The following SYNE2 variants were observed in gnomAD, a reference collection of about 807,000 sequenced individuals.
The protein encoded by SYNE2 is spectrin repeat containing nuclear envelope protein 2, also known as nesprin-2.
In SYNE2, 431 loss-of-function variants were observed where a neutral mutation model predicts 856.3. The observed-to-expected ratio is 0.50, with a 90% CI of 0.47 to 0.55. The LOEUF (loss-of-function observed/expected upper bound fraction) is 0.55. SYNE2 is among the 20% of genes least tolerant of loss of function. The pLI, the probability that SYNE2 is intolerant of heterozygous loss-of-function variation, is 0.00. For synonymous variants in SYNE2, 2,923 were observed against 2,872.3 expected (o/e 1.02, Z -0.56); for missense variants, 8,129 against 8,023.2 (o/e 1.01, Z -0.50).
rs752017196 is a variant in SYNE2 at position 64,188,865 on chromosome 14, A to G, written c.17871+157A>G. 5.0e-6 allele frequency: 4 copies of G among 793,246 alleles called. No homozygotes were observed. In the Admixed American group the frequency reaches 6.0e-5, roughly 12 times the overall value. 49.1% of individuals were successfully genotyped at this position (793,246 alleles called of 1,614,324 possible). On this transcript the variant is annotated intron_variant, in intron 98 of 115. Coordinates refer to ENST00000555002, the MANE Select transcript of SYNE2 (RefSeq NM_182914.3). ...CTATTTTCGATCCTTTTGAGAGAAC[A>G]GTTGGAAGAGAGGAGGTTCCAGAGA...
chr14:63,778,475 A>G (rs1887189139), intron 1 of SYNE2, among the ~76,000 whole-genome samples: 2 of 152,226 alleles, frequency 1.3e-5, no homozygotes, highest in Admixed American at 6.5e-5. Context: ...TACACCATCA[A>G]TATATACAAC....
At chr14:63,989,477 A>G (rs1313576125) in intron 19 of SYNE2, among the ~76,000 whole-genome samples, 1 of 152,002 alleles carries the variant, frequency 6.6e-6, no homozygotes, top group Non-Finnish European at 1.5e-5. Context: ...AGCTGGGACT[A>G]TAGGCGCCCG....
At position 63,995,087 on chromosome 14, in the gene SYNE2, T is replaced by C. The variant is rs1295153318; in HGVS notation, c.2825T>C (p.Ile942Thr). Reference sequence around the variant, plus strand: ...TCTTTATATGTTCAACAACTAAAAATAGATATTGAAAAAGGAAAGCTTAGT... The same window carrying C: ...TCTTTATATGTTCAACAACTAAAAACAGATATTGAAAAAGGAAAGCTTAGT... ...ELSLYVQQLK[I>T]DIEKGKLSDN... is the part of the protein sequence containing the mutation. The change falls in exon 23 of 116, where the codon ATA becomes ACA. Residue 942 changes from isoleucine (I) to threonine (T), a missense_variant. Coordinates refer to ENST00000555002, the MANE Select transcript of SYNE2 (RefSeq NM_182914.3). 6.3e-7 allele frequency: 1 copy of C among 1,575,376 alleles called. No homozygotes were observed. The highest frequency in any genetic ancestry group is 1.4e-5 in the African/African-American group (1 of 73,460).
intron 111 of SYNE2, 124 bp downstream of exon 111, chr14:64,220,761 A>G (rs2098690639): frequency 8.7e-7 from 1 of 1,155,994 alleles, no homozygotes; most frequent in Non-Finnish European, 1.2e-6. Flanking sequence ...GTCAGGAAAC[A>G]TGTGCTTTAC....
At chr14:63,842,623 G>A (rs539725549) in intron 1 of SYNE2, among the ~76,000 whole-genome samples, 5 of 151,384 alleles carry the variant, frequency 3.3e-5, no homozygotes, top group East Asian at 1.9e-4. Context: ...CACACCCAGC[G>A]AATTTTTGTA....
At position 64,070,939 on chromosome 14, in the gene SYNE2, G is replaced by A. The variant is rs1255964; in HGVS notation, c.10697+29G>A. On this transcript the variant is annotated intron_variant, in intron 52 of 115. Transcript: ENST00000555002. The stretch of plus-strand genomic sequence containing the variant: ...AGATTTATGAAAAACTATTAAGGAC[G>A]TGTGCTTGACAATTATGGCTCAAAA... 1,497,654 of 1,612,886 alleles carry A rather than the reference G, an allele frequency of 0.93. 696,441 individuals carry two copies. Among genetic ancestry groups the A allele is most frequent in the Non-Finnish European group, 0.94 (1,112,565 of 1,179,116 alleles).
chr14:64,130,817 G>A (rs1013944915), intron 76 of SYNE2, among the ~76,000 whole-genome samples: 1 of 151,544 alleles, frequency 6.6e-6, no homozygotes, highest in Non-Finnish European at 1.5e-5. Context: ...CTCAGGAGGC[G>A]GAGGTTGCAG....
At chr14:63,936,450 A>G (rs908543342) in intron 2 of SYNE2, among the ~76,000 whole-genome samples, 6 of 152,194 alleles carry the variant, frequency 3.9e-5, no homozygotes, top group Admixed American at 3.3e-4. Context: ...CAGTCAGGGT[A>G]GACCTCTTAG....
intron 74 of SYNE2, among the ~76,000 whole-genome samples, chr14:64,129,307 CTAAATAAA>C (rs750368504): frequency 6.6e-6 from 1 of 152,028 alleles, no homozygotes; most frequent in African/African-American, 2.4e-5. Context: ...ACTTTTGTCT[CTAAATAAA>C]TAAATAAATA....
intron 58 of SYNE2, among the ~76,000 whole-genome samples, chr14:64,089,136 C>T (rs1381961455): frequency 2.6e-5 from 4 of 151,916 alleles, no homozygotes; most frequent in Non-Finnish European, 2.9e-5. Flanking sequence ...GAGGCCGAGG[C>T]GGGTGGATCA....
rs199903950 is a variant in SYNE2 at position 64,168,911 on chromosome 14, T to C, written c.16940T>C (p.Ile5647Thr). 1.2e-6 allele frequency: 2 copies of C among 1,614,098 alleles called. No homozygotes were observed. The highest frequency in any genetic ancestry group is 1.7e-6 in the Non-Finnish European group (2 of 1,179,982). Reference sequence around the variant, plus strand: ...GCTGAAGTTTCTATAAACCAGACAATTGCTGATTCCTATGTCACCCAGTCC... The same window carrying C: ...GCTGAAGTTTCTATAAACCAGACAACTGCTGATTCCTATGTCACCCAGTCC... The part of the protein sequence containing the change: ...LEAEVSINQT[I>T]ADSYVTQSLQ... The change falls in exon 93 of 116, where the codon ATT becomes ACT. Residue 5647 changes from isoleucine to threonine, a missense_variant. Physicochemically the swap from Ile to Thr is moderately conservative, Grantham distance 89. Coordinates refer to ENST00000555002, the MANE Select transcript of SYNE2 (RefSeq NM_182914.3).
chr14:63,954,959 C>T, intron 8 of SYNE2, 44 bp downstream of exon 8: 1 of 1,500,924 alleles, frequency 6.7e-7, no homozygotes, highest in Non-Finnish European at 9.2e-7. Flanking sequence ...TAAGGCTTAG[C>T]ATGAAGTTGA....
At chr14:63,878,715 G>A (rs538401449) in intron 1 of SYNE2, among the ~76,000 whole-genome samples, 2 of 152,000 alleles carry the variant, frequency 1.3e-5, no homozygotes, top group African/African-American at 4.8e-5. Context: ...GCTAAATTTT[G>A]TATTTTTAGT....
At chr14:63,803,368 G>A (rs996048832) in intron 1 of SYNE2, among the ~76,000 whole-genome samples, 9 of 152,230 alleles carry the variant, frequency 5.9e-5, no homozygotes, top group African/African-American at 2.2e-4. Flanking sequence ...GAGTGGGTGG[G>A]AGGCTCAGGC....
chr14:64,069,158 A>G (rs1034437660), intron 51 of SYNE2, among the ~76,000 whole-genome samples: 8 of 152,178 alleles, frequency 5.3e-5, no homozygotes, highest in African/African-American at 1.9e-4. Flanking sequence ...GAGGTGCCCC[A>G]TTAAATCCTG....
chr14:63,970,947 C>G (rs2096467009), intron 11 of SYNE2, among the ~76,000 whole-genome samples: 1 of 152,026 alleles, frequency 6.6e-6, no homozygotes, highest in Non-Finnish European at 1.5e-5. Context: ...GCCACTGTGC[C>G]TGGCCCCCGT....
chr14:63,810,042 C>G (rs1784975475), intron 1 of SYNE2, among the ~76,000 whole-genome samples: 1 of 152,036 alleles, frequency 6.6e-6, no homozygotes, highest in South Asian at 2.1e-4. Context: ...GGCAACTTAG[C>G]CAGACACTGT....
In SYNE2 at chr14:63,943,819, C is replaced by T. The variant is rs546129401; in HGVS notation, c.408+1676C>T. 2.8e-4 allele frequency among the ~76,000 whole-genome samples: 42 copies of T among 151,556 alleles called. No individual in the cohort carries two copies. In the South Asian group the frequency reaches 3.1e-3, roughly 11 times the overall value. ...CTGAGTAGCTGGGATTACAGGTGCG[C>T]GCCACCACGCCCAGCTAATTTTTGT... On this transcript the variant is annotated intron_variant, in intron 6 of 115. Coordinates refer to ENST00000555002, the MANE Select transcript of SYNE2 (RefSeq NM_182914.3).
At chr14:64,184,329 G>GGTGTGTGTGTGTGTGTGTGTGT (rs767980383) in intron 96 of SYNE2, among the ~76,000 whole-genome samples, 3 of 144,256 alleles carry the variant, frequency 2.1e-5, no homozygotes, top group East Asian at 4.1e-4. Flanking sequence ...TATGCATAGG[G>GGTGTGTGTGTGTGTGTGTGTGT]GTGTGTGTGT....
Sources: gnomAD v4.1 joint callset for allele counts (sites outside exome capture counted in the v4.1 genomes callset) on GRCh38, gnomAD v4.1.1 for gene constraint, MANE v1.5 for transcripts, NCBI Gene and HGNC (gene_info 2026-07-23, HGNC 2026-07-21) for gene names.